The following SECISBP2L variants were observed in gnomAD, a reference collection of about 807,000 sequenced individuals.
The protein encoded by SECISBP2L is selenocysteine insertion sequence-binding protein 2-like.
Under a neutral mutation model 114.7 loss-of-function variants are expected in SECISBP2L, and 43 were observed. That is an observed-to-expected ratio of 0.38 (90% confidence interval 0.29 to 0.48). The LOEUF (loss-of-function observed/expected upper bound fraction) is 0.48, where lower values mean the gene tolerates loss of function less well. Ranked by LOEUF, SECISBP2L falls within the 20% of genes least tolerant of loss-of-function variation. The pLI, the probability that SECISBP2L is intolerant of heterozygous loss-of-function variation, is 0.98. For synonymous variants in SECISBP2L, 451 were observed against 439.7 expected, an observed-to-expected ratio of 1.03 and a Z score of -0.32; for missense variants, 1,136 against 1,301.1, an observed-to-expected ratio of 0.87 and a Z score of 1.95.
chr15:49,033,443 C>CT (rs1248092496), intron 3 of SECISBP2L, among the ~76,000 whole-genome samples: 1 of 152,126 alleles, frequency 6.6e-6, no homozygotes, highest in Non-Finnish European at 1.5e-5. Context: ...TTGTAAATTT[C>CT]TTTAAAAGGG....
Position 49,046,366 on chromosome 15 carries a change from G to A in SECISBP2L, c.-67C>T. On this transcript the variant is annotated 5_prime_UTR_variant, in exon 1 of 18. Coordinates refer to ENST00000559471, the MANE Select transcript of SECISBP2L (RefSeq NM_001193489.2). ...CAGCGCCTCGGGCCGCTTTCTCCAT[G>A]GCCCCCCGCTCGGGTCCAGACTGGG... 2 of 1,407,952 alleles carry A rather than the reference G, an allele frequency of 1.4e-6. No individual in the cohort carries two copies. Among genetic ancestry groups the A allele is most frequent in the East Asian group, 3.0e-5 (1 of 33,296 alleles). 87.2% of individuals were successfully genotyped at this position (1,407,952 alleles called of 1,614,324 possible). A position where few individuals can be genotyped will look rare whatever the true frequency, so the allele number is the denominator to read the frequency against.
chr15:49,044,988 T>C (rs1211930408), intron 1 of SECISBP2L, among the ~76,000 whole-genome samples: 1 of 152,196 alleles, frequency 6.6e-6, no homozygotes, highest in African/African-American at 2.4e-5. Context: ...AAATCTCAGG[T>C]ATTTATGATA....
At chr15:49,035,895 G>A (rs888015409) in intron 2 of SECISBP2L, among the ~76,000 whole-genome samples, 9 of 152,166 alleles carry the variant, frequency 5.9e-5, no homozygotes, top group African/African-American at 2.2e-4. Flanking sequence ...TGGTTTTACA[G>A]TATTCCACAT....
rs118061738 is a variant in SECISBP2L, at chr15:48,998,517, G to C, written c.2403+1316C>G. ...AAAAAGAAAATATGCAAATGGATAT[G>C]TGAGTTTAACATTGGTTTTACAATA... On this transcript the variant is annotated intron_variant, in intron 16 of 17. Coordinates refer to ENST00000559471, the MANE Select transcript of SECISBP2L (RefSeq NM_001193489.2). Among the ~76,000 whole-genome samples, 115 of 152,304 alleles carry C rather than the reference G, an allele frequency of 7.6e-4. No individual in the cohort carries two copies. In the East Asian group the frequency reaches 0.019, roughly 25 times the overall value.
At chr15:49,041,311 T>A (rs1460342439) in intron 1 of SECISBP2L, among the ~76,000 whole-genome samples, 1 of 152,240 alleles carries the variant, frequency 6.6e-6, no homozygotes, top group Non-Finnish European at 1.5e-5. Context: ...AGTTTCATGT[T>A]CACTTTTTAT....
chr15:49,005,300 A>C (rs1472241016), intron 14 of SECISBP2L, among the ~76,000 whole-genome samples: 2 of 151,332 alleles, frequency 1.3e-5, no homozygotes, highest in East Asian at 3.9e-4. Flanking sequence ...ACTGCACTCC[A>C]GCCTGGGTGA....
chr15:48,992,983 CT>C, intron 17 of SECISBP2L, 57 bp from the exon 18 acceptor site: 2 of 1,428,890 alleles, frequency 1.4e-6, no homozygotes, highest in East Asian at 4.6e-5. Context: ...AATCATGCAA[CT>C]CTTTAAAAAC....
At chr15:48,993,074 T>G in intron 17 of SECISBP2L, 148 bp from the exon 18 acceptor site, 1 of 667,670 alleles carries the variant, frequency 1.5e-6, no homozygotes, top group South Asian at 1.9e-5. Flanking sequence ...TTTAGTTTAT[T>G]TAGTACTAGT....
At chr15:49,026,914 G>A (rs1053119881) in intron 7 of SECISBP2L, among the ~76,000 whole-genome samples, 3 of 152,184 alleles carry the variant, frequency 2.0e-5, no homozygotes, top group Non-Finnish European at 4.4e-5. Flanking sequence ...CTGGGCCTCA[G>A]GAAACTGCTC....
chr15:49,025,465 C>A (rs1902722186), intron 7 of SECISBP2L, among the ~76,000 whole-genome samples: 1 of 152,124 alleles, frequency 6.6e-6, no homozygotes, highest in Non-Finnish European at 1.5e-5. Context: ...TAATTTCATA[C>A]ATTATTTTAA....
At position 48,992,376 on chromosome 15, in the gene SECISBP2L, C is replaced by T. The variant is rs1901998563; in HGVS notation, c.3174G>A (p.Val1058=). Residue 1058 remains valine (V), a synonymous_variant, in exon 18 of 18, where the codon GTG becomes GTA. Coordinates refer to ENST00000559471, the MANE Select transcript of SECISBP2L (RefSeq NM_001193489.2). The stretch of plus-strand genomic sequence containing the variant: ...CCTCACTGTCCATCCCTGGCTCCAG[C>T]ACCTCAGGCGCCTCTGCTTCCTCTT... ...SGEEEAEAPE[V]LEPGMDSEAW... is the part of the protein sequence containing the mutation. 1 of 1,614,078 alleles carries T rather than the reference C, an allele frequency of 6.2e-7. No homozygotes were observed. Among genetic ancestry groups the T allele is most frequent in the South Asian group, 1.1e-5 (1 of 91,088 alleles).
At chr15:49,044,468 T>G (rs1903202676) in intron 1 of SECISBP2L, among the ~76,000 whole-genome samples, 1 of 152,188 alleles carries the variant, frequency 6.6e-6, no homozygotes, top group South Asian at 2.1e-4. Flanking sequence ...AGGTCATTCA[T>G]GGACCCCTGA....
chr15:49,012,843 T>C, intron 11 of SECISBP2L, 26 bp from the exon 12 acceptor site: 1 of 1,595,076 alleles, frequency 6.3e-7, no homozygotes, highest in Non-Finnish European at 8.5e-7. Flanking sequence ...AACATTAGTT[T>C]CACCATTAGG....
rs1902598580 is a variant in SECISBP2L at position 49,019,427 on chromosome 15, T to C, written c.1161A>G (p.Leu387=). The C allele has an allele frequency of 6.9e-7, 1 of 1,446,150 alleles. No homozygotes were observed. The highest frequency in any genetic ancestry group is 1.5e-5 in the South Asian group (1 of 68,808). 89.6% of individuals were successfully genotyped at this position (1,446,150 alleles called of 1,614,324 possible). A position where few individuals can be genotyped will look rare whatever the true frequency, so the allele number is the denominator to read the frequency against. ...SHRSDPNSES[L]YFEDEDGFQE... ...AGTTTGAAAAAAATACCTCAAAATA[T>C]AAAGACTCAGAATTTGGATCGCTTC... The change falls in exon 8 of 18, where the codon TTA becomes TTG. Residue 387 remains leucine (L), a synonymous_variant. Transcript: ENST00000559471.
chr15:49,017,112 G>C, intron 9 of SECISBP2L, 97 bp from the exon 10 acceptor site: 4 of 1,157,350 alleles, frequency 3.5e-6, no homozygotes, highest in Non-Finnish European at 4.9e-6. Context: ...CAGTACAACC[G>C]GACTAGACTC....
At chr15:49,023,858 A>C (rs1329831696) in intron 7 of SECISBP2L, among the ~76,000 whole-genome samples, 1 of 152,200 alleles carries the variant, frequency 6.6e-6, no homozygotes, top group Non-Finnish European at 1.5e-5. Context: ...GAAGTGAAAA[A>C]ACTCTGGAAG....
intron 16 of SECISBP2L, among the ~76,000 whole-genome samples, chr15:48,998,097 T>C (rs779266547): frequency 6.6e-6 from 1 of 152,170 alleles, no homozygotes; most frequent in Non-Finnish European, 1.5e-5. Flanking sequence ...GAATTAAACA[T>C]AACCTGGACA....
chr15:48,990,830 G>A lies in SECISBP2L; in HGVS notation c.*1414C>T, dbSNP rs1418467335. The A allele has an allele frequency of 1.4e-5, 2 of 142,492 alleles. No homozygotes were observed. Among genetic ancestry groups the A allele is most frequent in the African/African-American group, 2.6e-5 (1 of 38,086 alleles). 8.8% of individuals were successfully genotyped at this position (142,492 alleles called of 1,614,324 possible). A position where few individuals can be genotyped will look rare whatever the true frequency, so the allele number is the denominator to read the frequency against. On this transcript the variant is annotated 3_prime_UTR_variant, in exon 18 of 18. Coordinates refer to ENST00000559471, the MANE Select transcript of SECISBP2L (RefSeq NM_001193489.2). ...GTAAGTGGAAAACACACACACGTACGGATGTGTGCATGTGTGTGAGGGGGG... is the reference window on the plus strand; with the variant it reads ...GTAAGTGGAAAACACACACACGTACAGATGTGTGCATGTGTGTGAGGGGGG...
intron 4 of SECISBP2L, among the ~76,000 whole-genome samples, chr15:49,029,162 CTA>C (rs762363235): frequency 2.6e-4 from 40 of 152,112 alleles, no homozygotes; most frequent in African/African-American, 9.4e-4. Context: ...TCTATATGTT[CTA>C]TATGTTTTTT....
Sources: allele counts gnomAD v4.1 joint callset (sites outside exome capture counted in the v4.1 genomes callset), GRCh38; gene constraint gnomAD v4.1.1; transcripts MANE v1.5; gene names NCBI Gene and HGNC (gene_info 2026-07-23, HGNC 2026-07-21).